PTCHD1: variants seen among roughly 807,000 people sequenced by gnomAD.
PTCHD1 encodes patched domain containing 1.
Under a neutral mutation model 34.6 loss-of-function variants are expected in PTCHD1, and 3 were observed. The observed-to-expected ratio is 0.09, with a 90% confidence interval of 0.04 to 0.22. The LOEUF (loss-of-function observed/expected upper bound fraction) is 0.22. Among genes scored for constraint, PTCHD1 ranks in the 10% least tolerant of loss-of-function variants. The probability of loss-of-function intolerance (pLI) is 1.00; values close to 1 mark genes in which losing one functional copy is unlikely to be tolerated. For missense variants in PTCHD1, 504 were observed against 685.5 expected (o/e 0.74, Z 2.96); for synonymous variants, 305 against 283.1 (o/e 1.08, Z -0.77).
intron 1 of PTCHD1, among the ~76,000 whole-genome samples, chrX:23,337,282 C>T (rs1921193644): frequency 8.9e-6 from 1 of 112,139 alleles, no homozygotes. Flanking sequence ...AAATCAAAAC[C>T]AAGCCTAGCA....
intron 1 of PTCHD1, among the ~76,000 whole-genome samples, chrX:23,364,023 A>T (rs1207574101): frequency 8.9e-6 from 1 of 112,484 alleles, no homozygotes; most frequent in Non-Finnish European, 1.9e-5. Flanking sequence ...AGCAAAAATA[A>T]ATAAAAATAA....
At position 23,335,078 on chromosome X, in the gene PTCHD1, A is replaced by C. The variant is rs376309663; in HGVS notation, c.203A>C (p.Asn68Thr). The C allele has an allele frequency of 8.3e-7, 1 of 1,208,751 alleles. No individual in the cohort carries two copies. The highest frequency in any genetic ancestry group is 1.8e-5 in the African/African-American group (1 of 56,907). Reference sequence around the variant, plus strand: ...CACAGCCTGGCCAAGATCGAGCGCAACCTCGTTAACAGCCTCTTCCCGGTC... The same window carrying C: ...CACAGCCTGGCCAAGATCGAGCGCACCCTCGTTAACAGCCTCTTCCCGGTC... ...PQHSLAKIER[N>T]LVNSLFPVNR... The change falls in exon 1 of 3, where the codon AAC becomes ACC. Residue 68 changes from asparagine to threonine, a missense_variant. Physicochemically the swap from Asn to Thr is moderately conservative, Grantham distance 65. Transcript: ENST00000379361.
intron 1 of PTCHD1, among the ~76,000 whole-genome samples, chrX:23,344,211 G>C (rs1292698885): frequency 8.9e-6 from 1 of 112,114 alleles, no homozygotes; most frequent in Non-Finnish European, 1.9e-5. Flanking sequence ...CCAAGTTCAA[G>C]TTCCAGTTCT....
intron 1 of PTCHD1, 50 bp downstream of exon 1, chrX:23,335,276 C>G (rs775058136): frequency 2.9e-6 from 3 of 1,029,715 alleles, no homozygotes; most frequent in Non-Finnish European, 4.1e-6. Context: ...CGGCCGCGGT[C>G]GGGCTGGCTC....
At chrX:23,387,000 T>C (rs1377108809) in intron 2 of PTCHD1, among the ~76,000 whole-genome samples, 1 of 112,002 alleles carries the variant, frequency 8.9e-6, no homozygotes, top group Non-Finnish European at 1.9e-5. Context: ...AGCTGCTGTG[T>C]TGTGGCTATG....
rs1181591986 is a variant in PTCHD1 at position 23,393,971 on chromosome X, A to G, written c.2453A>G (p.Asn818Ser). Residue 818 changes from asparagine to serine, a missense_variant, in exon 3 of 3, where the codon AAT (asparagine) becomes AGT (serine). Coordinates refer to ENST00000379361, the MANE Select transcript of PTCHD1 (RefSeq NM_173495.3). ...ATTCCTCTTGCAGCTGTGCCTTCAA[A>G]TCTGACCTGTACACTGTTCAGGTGC... ...GLIPLAAVPS[N>S]LTCTLFRCLF... The G allele has an allele frequency of 8.3e-7, 1 of 1,210,740 alleles. No homozygotes were observed. The highest frequency in any genetic ancestry group is 2.2e-5 in the Admixed American group (1 of 45,964).
At chrX:23,392,074 C>CTTTCTTTTTT (rs367570857) in intron 2 of PTCHD1, among the ~76,000 whole-genome samples, 9 of 52,349 alleles carry the variant, frequency 1.7e-4, no homozygotes, top group African/African-American at 1.1e-3. Flanking sequence ...TTCTTTCTTT[C>CTTTCTTTTTT]TTTTTTTTTT....
At chrX:23,381,539 T>A (rs895607369) in intron 2 of PTCHD1, among the ~76,000 whole-genome samples, 26 of 112,255 alleles carry the variant, frequency 2.3e-4, no homozygotes, top group African/African-American at 8.4e-4. Context: ...TGGAAGAGAA[T>A]TTCCTCAGGA....
At position 23,393,678 on chromosome X, in the gene PTCHD1, T is replaced by G; in HGVS notation, c.2160T>G (p.Asp720Glu). ...LLFFSAFLVA[D>E]SLINVWITLT... ...TCTTCTCGGCATTCCTGGTGGCAGA[T>G]TCACTGATTAACGTCTGGATCACTC... Residue 720 changes from aspartate (D) to glutamate (E), a missense_variant, in exon 3 of 3, where the codon GAT (aspartate) becomes GAG (glutamate). Physicochemically the swap from Asp to Glu is conservative, Grantham distance 45. Coordinates refer to ENST00000379361, the MANE Select transcript of PTCHD1 (RefSeq NM_173495.3). 8.3e-7 allele frequency: 1 copy of G among 1,212,113 alleles called. No individual in the cohort carries two copies. The highest frequency in any genetic ancestry group is 1.1e-6 in the Non-Finnish European group (1 of 895,542).
intron 1 of PTCHD1, among the ~76,000 whole-genome samples, chrX:23,357,690 A>G (rs1921845427): frequency 9.0e-6 from 1 of 111,316 alleles, no homozygotes; most frequent in Non-Finnish European, 1.9e-5. Flanking sequence ...TGTAAGTTCT[A>G]GGGTACATAT....
At chrX:23,351,121 A>T in intron 1 of PTCHD1, 1 of 531,595 alleles carries the variant, frequency 1.9e-6, no homozygotes, top group Non-Finnish European at 3.1e-6. Flanking sequence ...TTCAGGTCTT[A>T]AATCTGGAGG....
chrX:23,351,910 G>A (rs987866185), intron 1 of PTCHD1, among the ~76,000 whole-genome samples: 1 of 112,006 alleles, frequency 8.9e-6, no homozygotes, highest in African/African-American at 3.2e-5. Flanking sequence ...TATTAAAGAA[G>A]GGGAGATGTG....
At chrX:23,351,420 A>T in intron 1 of PTCHD1, 1 of 570,456 alleles carries the variant, frequency 1.8e-6, no homozygotes, top group African/African-American at 2.2e-5. Flanking sequence ...TTCAAAGATG[A>T]CTAGCACAGA....
intron 1 of PTCHD1, among the ~76,000 whole-genome samples, chrX:23,376,053 G>A (rs1378764820): frequency 8.9e-6 from 1 of 111,928 alleles, no homozygotes; most frequent in Non-Finnish European, 1.9e-5. Context: ...GTTGTTTACT[G>A]TTAGGAGTTT....
At chrX:23,372,427 G>C (rs1922305790) in intron 1 of PTCHD1, among the ~76,000 whole-genome samples, 1 of 110,644 alleles carries the variant, frequency 9.0e-6, no homozygotes, top group African/African-American at 3.3e-5. Flanking sequence ...AGGAACTCTA[G>C]GGGAATTTAA....
intron 1 of PTCHD1, among the ~76,000 whole-genome samples, chrX:23,350,253 G>T (rs998038061): frequency 2.7e-5 from 3 of 110,654 alleles, no homozygotes; most frequent in African/African-American, 9.8e-5. Flanking sequence ...TATTTGAGAT[G>T]AATATTTTTT....
chrX:23,341,703 G>T (rs751149054), intron 1 of PTCHD1, among the ~76,000 whole-genome samples: 1 of 110,422 alleles, frequency 9.1e-6, no homozygotes, highest in Admixed American at 9.4e-5. Flanking sequence ...ACCTTTAAAA[G>T]ACAAGAAAAG....
chrX:23,364,405 CA>C (rs1392151223), intron 1 of PTCHD1, among the ~76,000 whole-genome samples: 2 of 100,934 alleles, frequency 2.0e-5, no homozygotes, highest in Non-Finnish European at 4.2e-5. Flanking sequence ...CACACACACA[CA>C]CACACACACC....
chrX:23,359,079 C>T (rs1425121465), intron 1 of PTCHD1, among the ~76,000 whole-genome samples: 8 of 112,116 alleles, frequency 7.1e-5, no homozygotes, highest in South Asian at 3.7e-4. Context: ...AGTCAGTTAG[C>T]GTGATGCCTC....
Sources: allele counts gnomAD v4.1 joint callset (sites outside exome capture counted in the v4.1 genomes callset), GRCh38; gene constraint gnomAD v4.1.1; transcripts MANE v1.5; gene names NCBI Gene and HGNC (gene_info 2026-07-23, HGNC 2026-07-21).